Variants in SIPA1L3 observed in about 807,000 individuals in gnomAD.
SIPA1L3 encodes signal-induced proliferation-associated 1-like protein 3.
A neutral mutation model predicts 150.1 loss-of-function variants in SIPA1L3; 59 were observed. The observed-to-expected ratio is 0.39, with a 90% CI of 0.32 to 0.49. The LOEUF (loss-of-function observed/expected upper bound fraction) is 0.49, where lower values mean the gene tolerates loss of function less well. Among genes scored for constraint, SIPA1L3 ranks in the 20% least tolerant of loss-of-function variants. The probability of loss-of-function intolerance (pLI) is 0.86; values close to 1 mark genes in which losing one functional copy is unlikely to be tolerated. For synonymous variants in SIPA1L3, 1,070 were observed against 1,077.6 expected, an observed-to-expected ratio of 0.99 and a Z score of 0.14; for missense variants, 2,211 against 2,489.5, an observed-to-expected ratio of 0.89 and a Z score of 2.38.
chr19:38,098,392 ATTTTTTTT>A (rs71179411), intron 4 of SIPA1L3, among the ~76,000 whole-genome samples: 2 of 113,728 alleles, frequency 1.8e-5, no homozygotes, highest in Admixed American at 9.9e-5. Flanking sequence ...AGGGGCTTTC[ATTTTTTTT>A]TTTTTTTTTT....
chr19:38,155,805 A>G (rs184787406), intron 13 of SIPA1L3, among the ~76,000 whole-genome samples: 1 of 152,164 alleles, frequency 6.6e-6, no homozygotes, highest in Non-Finnish European at 1.5e-5. Flanking sequence ...CTCTTAAACC[A>G]GAGACAGTGT....
chr19:38,122,492 C>T (rs538634780), intron 9 of SIPA1L3, among the ~76,000 whole-genome samples: 1 of 152,284 alleles, frequency 6.6e-6, no homozygotes, highest in East Asian at 1.9e-4. Flanking sequence ...CTCTCCCGGA[C>T]ACTTTCGATG....
chr19:38,005,185 C>A (rs1967910657), intron 1 of SIPA1L3, among the ~76,000 whole-genome samples: 1 of 152,082 alleles, frequency 6.6e-6, no homozygotes, highest in Non-Finnish European at 1.5e-5. Flanking sequence ...TTCATAGGAC[C>A]TCTAAGCTGG....
chr19:38,043,503 G>A (rs1435352088), intron 2 of SIPA1L3, among the ~76,000 whole-genome samples: 17 of 152,130 alleles, frequency 1.1e-4, no homozygotes, highest in African/African-American at 1.2e-4. Flanking sequence ...ACCACTGTTC[G>A]CTCAGAACCT....
chr19:37,975,971 G>A (rs1477944172), intron 1 of SIPA1L3, among the ~76,000 whole-genome samples: 1 of 152,130 alleles, frequency 6.6e-6, no homozygotes, highest in Admixed American at 6.5e-5. Context: ...CATGCGTGGT[G>A]GCGGGCGCCA....
chr19:38,150,390 G>C lies in SIPA1L3; in HGVS notation c.3534-2450G>C, dbSNP rs369941338. 1.1e-4 allele frequency among the ~76,000 whole-genome samples: 16 copies of C among 152,108 alleles called. 1 individual carries two copies. The highest frequency in any genetic ancestry group is 7.9e-4 in the Admixed American group (12 of 15,264). On this transcript the variant is annotated intron_variant, in intron 12 of 21. Transcript: ENST00000222345. ...AGACAGTCCTGGCTTTGAGCTGGCA[G>C]GGTGACCCTGGATAAGTCAGTTACT...
chr19:37,924,143 A>G (rs1163639333), intron 1 of SIPA1L3, among the ~76,000 whole-genome samples: 2 of 152,094 alleles, frequency 1.3e-5, no homozygotes, highest in African/African-American at 2.4e-5. Flanking sequence ...TTTTCTTTAT[A>G]TCTTTATTCT....
intron 2 of SIPA1L3, among the ~76,000 whole-genome samples, chr19:38,049,726 C>A (rs1315864973): frequency 6.6e-6 from 1 of 152,150 alleles, no homozygotes; most frequent in Non-Finnish European, 1.5e-5. Flanking sequence ...ATTGGCCAGG[C>A]TGATCTTGAA....
chr19:37,992,650 TAAA>T (rs3083579), intron 1 of SIPA1L3, among the ~76,000 whole-genome samples: 108,105 of 146,656 alleles, frequency 0.74, 39,759 homozygotes, highest in East Asian at 0.97. Context: ...CACTCTGTCT[TAAA>T]AAAAAAAAAA....
intron 12 of SIPA1L3, among the ~76,000 whole-genome samples, chr19:38,150,603 G>T (rs1344213129): frequency 6.7e-6 from 1 of 150,334 alleles, no homozygotes; most frequent in Non-Finnish European, 1.5e-5. Context: ...CACAGTCTTG[G>T]CTCACTGCAA....
intron 3 of SIPA1L3, among the ~76,000 whole-genome samples, chr19:38,083,900 G>A (rs527688065): frequency 6.6e-6 from 1 of 151,820 alleles, no homozygotes; most frequent in South Asian, 2.1e-4. Context: ...GGCTGAGGTA[G>A]GAGAATCGCT....
intron 15 of SIPA1L3, among the ~76,000 whole-genome samples, chr19:38,171,449 A>G (rs564070324): frequency 1.4e-5 from 2 of 146,066 alleles, no homozygotes; most frequent in South Asian, 2.2e-4. Context: ...CTGCAGTGCA[A>G]TGGCACAGTC....
chr19:37,962,147 T>C (rs2046863858), intron 1 of SIPA1L3, among the ~76,000 whole-genome samples: 1 of 72,392 alleles, frequency 1.4e-5, no homozygotes, highest in African/African-American at 9.6e-5. Flanking sequence ...TCTTTCATTC[T>C]TTTTTTTTTT....
chr19:38,030,341 C>T (rs1039517001), intron 2 of SIPA1L3, among the ~76,000 whole-genome samples: 6 of 151,892 alleles, frequency 4.0e-5, no homozygotes, highest in Non-Finnish European at 5.9e-5. Context: ...GCTCGAGGAT[C>T]GATTGAGCCC....
intron 4 of SIPA1L3, among the ~76,000 whole-genome samples, chr19:38,090,128 G>A (rs186724462): frequency 1.4e-3 from 207 of 152,042 alleles, no homozygotes; most frequent in African/African-American, 4.7e-3. Context: ...TCAGGAGTTC[G>A]AGACCAGCCT....
At chr19:38,054,224 G>A (rs1409156951) in intron 2 of SIPA1L3, among the ~76,000 whole-genome samples, 2 of 152,124 alleles carry the variant, frequency 1.3e-5, no homozygotes, top group South Asian at 2.1e-4. Flanking sequence ...CATGCCACAG[G>A]GAGGCCACTC....
intron 1 of SIPA1L3, among the ~76,000 whole-genome samples, chr19:37,922,536 G>C (rs968472588): frequency 2.0e-5 from 3 of 151,890 alleles, no homozygotes; most frequent in African/African-American, 7.3e-5. Context: ...TGGGACTACA[G>C]GTACCCGCCA....
chr19:38,088,922 C>CAA, intron 4 of SIPA1L3, 71 bp downstream of exon 4: 9 of 1,540,008 alleles, frequency 5.8e-6, no homozygotes, highest in Non-Finnish European at 8.0e-6. Context: ...GTTCTGGGGG[C>CAA]AAACGCTTCC....
intron 10 of SIPA1L3, 115 bp downstream of exon 10, chr19:38,130,887 T>C (rs545543302): frequency 8.6e-7 from 1 of 1,168,732 alleles, no homozygotes; most frequent in Non-Finnish European, 1.2e-6. Flanking sequence ...GGCAGGCCCT[T>C]CTAGGCAGGA....
Sources: allele counts gnomAD v4.1 joint callset (sites outside exome capture counted in the v4.1 genomes callset), GRCh38; gene constraint gnomAD v4.1.1; transcripts MANE v1.5; gene names NCBI Gene and HGNC (gene_info 2026-07-23, HGNC 2026-07-21).